The following MED12L variants were observed in gnomAD, a reference collection of about 807,000 sequenced individuals.
MED12L encodes the protein mediator of RNA polymerase II transcription subunit 12-like protein.
Under a neutral mutation model 281.3 loss-of-function variants are expected in MED12L, and 60 were observed. The ratio of observed to expected loss-of-function variants is 0.21; its 90% CI spans 0.17 to 0.26. MED12L has a LOEUF of 0.26. Among genes scored for constraint, MED12L ranks in the 10% least tolerant of loss-of-function variants. MED12L has a pLI of 1.00. For synonymous variants in MED12L, 974 were observed against 987.2 expected (o/e 0.99, Z 0.25); for missense variants, 2,146 against 2,680.9 (o/e 0.80, Z 4.41).
chr3:151,137,021 G>A (rs1176139894), intron 5 of MED12L, among the ~76,000 whole-genome samples: 1 of 151,896 alleles, frequency 6.6e-6, no homozygotes, highest in East Asian at 1.9e-4. Flanking sequence ...AATTAACTGG[G>A]CATGGCGGCA....
intron 16 of MED12L, chr3:151,294,371 A>G (rs1330785875): frequency 1.1e-5 from 17 of 1,614,096 alleles, no homozygotes; most frequent in Non-Finnish European, 1.1e-5. Context: ...GCAGTAATAT[A>G]GGATTTTTTG....
intron 16 of MED12L, among the ~76,000 whole-genome samples, chr3:151,247,780 A>AT (rs1735955810): frequency 6.6e-6 from 1 of 151,650 alleles, no homozygotes; most frequent in African/African-American, 2.4e-5. Flanking sequence ...AAAGCAAAAA[A>AT]AAAATGAATT....
chr3:151,093,686 T>C lies in MED12L; in HGVS notation c.99+6661T>C, dbSNP rs149147094. 1.6e-4 allele frequency among the ~76,000 whole-genome samples: 25 copies of C among 152,350 alleles called. No individual in the cohort carries two copies. In the East Asian group the frequency reaches 4.8e-3, roughly 29 times the overall value. ...ACACAGTTTATAGCAGAGGAGAGTTTTATGCCTTGGTTTTGAAATAGCTAT... is the reference window on the plus strand; with the variant it reads ...ACACAGTTTATAGCAGAGGAGAGTTCTATGCCTTGGTTTTGAAATAGCTAT... On this transcript the variant is annotated intron_variant, in intron 2 of 44. Coordinates refer to ENST00000687756, the MANE Select transcript of MED12L (RefSeq NM_001393769.1).
chr3:151,157,027 A>G (rs1719379117), intron 6 of MED12L, among the ~76,000 whole-genome samples: 1 of 152,202 alleles, frequency 6.6e-6, no homozygotes, highest in South Asian at 2.1e-4. Flanking sequence ...CATAGGAAAA[A>G]ATAAGGTCTT....
chr3:151,133,942 C>T (rs1051605655), intron 5 of MED12L, among the ~76,000 whole-genome samples: 1 of 152,180 alleles, frequency 6.6e-6, no homozygotes, highest in African/African-American at 2.4e-5. Flanking sequence ...GAATTTTCCC[C>T]ATGAGGAGTC....
intron 26 of MED12L, 23 bp downstream of exon 26, chr3:151,369,572 CT>C: frequency 1.4e-6 from 2 of 1,474,232 alleles, no homozygotes; most frequent in Non-Finnish European, 1.9e-6. Context: ...TGACCCTAAG[CT>C]TCTTGGTTAA....
chr3:151,257,835 T>C lies in MED12L; in HGVS notation c.2250+64169T>C, dbSNP rs142439144. Among the ~76,000 whole-genome samples, 315 of 152,320 alleles carry C rather than the reference T, an allele frequency of 2.1e-3. 1 individual carries two copies. The highest frequency in any genetic ancestry group is 3.3e-3 in the Non-Finnish European group (226 of 68,028). The stretch of plus-strand genomic sequence containing the variant: ...TGTCATGTGGACCACTTGGCTTAGA[T>C]GAGAGTCACACAAATTTTTATATTC... On this transcript the variant is annotated intron_variant, in intron 16 of 44. Coordinates refer to ENST00000687756, the MANE Select transcript of MED12L (RefSeq NM_001393769.1).
intron 36 of MED12L, 51 bp downstream of exon 36, chr3:151,385,242 A>G (rs542613511): frequency 3.0e-6 from 3 of 987,212 alleles, no homozygotes; most frequent in African/African-American, 3.4e-5. Flanking sequence ...AAAAGATGAA[A>G]TACTTTTTTT....
At chr3:151,428,914 G>A (rs9882790) in intron 43 of MED12L, among the ~76,000 whole-genome samples, 10 of 152,164 alleles carry the variant, frequency 6.6e-5, no homozygotes, top group African/African-American at 9.7e-5. Flanking sequence ...TTAACTGGAC[G>A]TGCTGCGTTT....
intron 37 of MED12L, among the ~76,000 whole-genome samples, chr3:151,389,395 C>T (rs1038558545): frequency 1.3e-5 from 2 of 152,090 alleles, no homozygotes; most frequent in Non-Finnish European, 2.9e-5. Flanking sequence ...TCCTCTAGGG[C>T]TAGACTAGAT....
intron 16 of MED12L, chr3:151,316,733 C>G: frequency 6.6e-6 from 1 of 152,158 alleles, no homozygotes; most frequent in East Asian, 1.9e-4. Context: ...GAAACATCTC[C>G]CCTACCAGAC....
intron 16 of MED12L, among the ~76,000 whole-genome samples, chr3:151,346,900 C>T (rs1560057340): frequency 6.6e-6 from 1 of 151,960 alleles, no homozygotes; most frequent in African/African-American, 2.4e-5. Flanking sequence ...TCAAAAGTTC[C>T]CTGCTGTTAT....
At chr3:151,141,187 G>GTTTTTTTTT (rs76965310) in intron 5 of MED12L, among the ~76,000 whole-genome samples, 36 of 99,046 alleles carry the variant, frequency 3.6e-4, no homozygotes, top group East Asian at 7.1e-4. Context: ...TGTTTTTTTT[G>GTTTTTTTTT]TTTTTTTTTT....
chr3:151,115,327 CTTTTTTTTTTTTTTTTTTTTTTT>C (rs66728754), intron 2 of MED12L, among the ~76,000 whole-genome samples: 8 of 60,776 alleles, frequency 1.3e-4, no homozygotes, highest in African/African-American at 3.6e-4. Context: ...GGAAACAATT[CTTTTTTTTTTTTTTTTTTTTTTT>C]TTTTTTTTTT....
intron 5 of MED12L, among the ~76,000 whole-genome samples, chr3:151,145,727 A>G (rs12489984): frequency 0.3 from 45,891 of 152,160 alleles, 8,826 homozygotes; most frequent in African/African-American, 0.54. Flanking sequence ...TTAAGGAAAT[A>G]ACAAACTGAA....
At chr3:151,206,117 C>T (rs73021116) in intron 16 of MED12L, among the ~76,000 whole-genome samples, 1 of 140,894 alleles carries the variant, frequency 7.1e-6, no homozygotes, top group African/African-American at 2.6e-5. Flanking sequence ...TTCCCACCTG[C>T]GTTAGCCCAA....
intron 38 of MED12L, 88 bp downstream of exon 38, chr3:151,390,223 G>A: frequency 1.5e-6 from 2 of 1,338,482 alleles, no homozygotes; most frequent in Middle Eastern, 1.9e-4. Context: ...CACAAAACTT[G>A]GACATTTCAA....
chr3:151,190,573 TAGTGCCTC>T, intron 13 of MED12L, 136 bp from the exon 14 acceptor site: 2 of 720,754 alleles, frequency 2.8e-6, no homozygotes, highest in Non-Finnish European at 4.6e-6. Flanking sequence ...CCCAAAATGC[TAGTGCCTC>T]AGTAAATCTT....
At chr3:151,300,762 G>C (rs1355615641) in intron 16 of MED12L, among the ~76,000 whole-genome samples, 2 of 152,206 alleles carry the variant, frequency 1.3e-5, no homozygotes, top group Non-Finnish European at 2.9e-5. Context: ...GCAAACTTGA[G>C]GCTGGTGTGA....
Sources: gnomAD v4.1 joint callset for allele counts (sites outside exome capture counted in the v4.1 genomes callset) on GRCh38, gnomAD v4.1.1 for gene constraint, MANE v1.5 for transcripts, NCBI Gene and HGNC (gene_info 2026-07-23, HGNC 2026-07-21) for gene names.